The following SLC6A17 variants were observed in gnomAD, a reference collection of about 807,000 sequenced individuals.
SLC6A17 encodes the protein sodium-dependent neutral amino acid transporter SLC6A17.
Under a neutral mutation model 64.5 loss-of-function variants are expected in SLC6A17, and 21 were observed. That is an observed-to-expected ratio of 0.33 (90% CI 0.23 to 0.47). SLC6A17 has a LOEUF of 0.47. Ranked by LOEUF, SLC6A17 falls within the 20% of genes least tolerant of loss-of-function variation. SLC6A17 has a pLI of 1.00. For synonymous variants in SLC6A17, 372 were observed against 399.5 expected, an observed-to-expected ratio of 0.93 and a Z score of 0.82; for missense variants, 682 against 963.2, an observed-to-expected ratio of 0.71 and a Z score of 3.86.
chr1:110,158,353 A>G (rs1006626153), intron 1 of SLC6A17, among the ~76,000 whole-genome samples: 1 of 152,220 alleles, frequency 6.6e-6, no homozygotes, highest in African/African-American at 2.4e-5. Flanking sequence ...AAGTCGGAGA[A>G]CTGAGCCCCA....
intron 6 of SLC6A17, 104 bp downstream of exon 6, chr1:110,176,843 T>TGG (rs1656389887): frequency 4.3e-5 from 43 of 996,106 alleles, no homozygotes; most frequent in Non-Finnish European, 6.5e-5. Flanking sequence ...GAACACCTGC[T>TGG]ATGTGTTGGG....
intron 5 of SLC6A17, 74 bp downstream of exon 5, chr1:110,175,034 T>C: frequency 6.6e-7 from 1 of 1,525,808 alleles, no homozygotes; most frequent in South Asian, 1.3e-5. Flanking sequence ...GGGCTAAGAA[T>C]TCCAGGCTGC....
intron 6 of SLC6A17, among the ~76,000 whole-genome samples, chr1:110,177,053 G>T (rs1485249835): frequency 1.3e-5 from 2 of 152,214 alleles, no homozygotes; most frequent in Non-Finnish European, 2.9e-5. Context: ...GGAACTGCAT[G>T]AGCAAGGGTG....
At chr1:110,188,231 A>G (rs955504054) in intron 6 of SLC6A17, among the ~76,000 whole-genome samples, 2 of 152,258 alleles carry the variant, frequency 1.3e-5, no homozygotes, top group African/African-American at 4.8e-5. Flanking sequence ...TTCCAAAACC[A>G]GTCAGCCCCC....
chr1:110,166,828 C>T lies in SLC6A17; in HGVS notation c.-87-15C>T. 1 of 1,428,604 alleles carries T rather than the reference C, an allele frequency of 7.0e-7. No homozygotes were observed. Among genetic ancestry groups the T allele is most frequent in the South Asian group, 1.5e-5 (1 of 68,090 alleles). The allele number at this position is 1,428,604 out of a possible 1,614,324, so 88.5% of individuals were successfully genotyped here. A position where few individuals can be genotyped will look rare whatever the true frequency, so the allele number is the denominator to read the frequency against. ...TGTGGTCAGATAATCCTTTACTGCT[C>T]ACCTGGTTTCCTAGGTCCCTGAATG... On this transcript the variant is annotated splice_polypyrimidine_tract_variant and intron_variant, in intron 1 of 11. Coordinates refer to ENST00000331565, the MANE Select transcript of SLC6A17 (RefSeq NM_001010898.4).
intron 1 of SLC6A17, among the ~76,000 whole-genome samples, chr1:110,154,811 G>A (rs1349884241): frequency 6.6e-6 from 1 of 152,144 alleles, no homozygotes; most frequent in African/African-American, 2.4e-5. Context: ...TGTATGCCAG[G>A]GATTTGTAGC....
chr1:110,171,387 G>A (rs1261177966), intron 2 of SLC6A17, among the ~76,000 whole-genome samples: 1 of 152,184 alleles, frequency 6.6e-6, no homozygotes, highest in Non-Finnish European at 1.5e-5. Flanking sequence ...CCAGGACAGC[G>A]AGATTAATTT....
intron 1 of SLC6A17, among the ~76,000 whole-genome samples, chr1:110,157,952 ACC>A (rs1655803437): frequency 6.6e-6 from 1 of 151,838 alleles, no homozygotes; most frequent in African/African-American, 2.4e-5. Flanking sequence ...ATACGTCCTT[ACC>A]CCCATCTCTG....
chr1:110,181,024 T>C (rs1656509065), intron 6 of SLC6A17, among the ~76,000 whole-genome samples: 1 of 152,292 alleles, frequency 6.6e-6, no homozygotes, highest in East Asian at 1.9e-4. Flanking sequence ...ATGAATGCGA[T>C]GTGGCCAAGC....
intron 2 of SLC6A17, among the ~76,000 whole-genome samples, chr1:110,169,103 C>T (rs1459821544): frequency 1.3e-5 from 2 of 152,144 alleles, no homozygotes; most frequent in East Asian, 3.8e-4. Flanking sequence ...CAAATTATCA[C>T]AGGAAGGAGA....
At chr1:110,191,583 G>A (rs1251517488) in intron 6 of SLC6A17, among the ~76,000 whole-genome samples, 1 of 152,194 alleles carries the variant, frequency 6.6e-6, no homozygotes, top group African/African-American at 2.4e-5. Flanking sequence ...AGGACTCTAG[G>A]AGGCACCTGT....
chr1:110,151,626 C>T (rs985153218), intron 1 of SLC6A17, among the ~76,000 whole-genome samples: 2 of 152,148 alleles, frequency 1.3e-5, no homozygotes, highest in Admixed American at 6.5e-5. Flanking sequence ...ATGGGTGGGC[C>T]GCTCCCCAGG....
intron 6 of SLC6A17, among the ~76,000 whole-genome samples, chr1:110,178,941 A>AT (rs1180678548): frequency 1.3e-5 from 2 of 152,226 alleles, no homozygotes; most frequent in Non-Finnish European, 2.9e-5. Context: ...TTGATCATAC[A>AT]TTCTTTGAAA....
Position 110,199,063 on chromosome 1 carries a change from T to C in SLC6A17, c.*619T>C, listed in dbSNP as rs1178214736. 1 of 152,610 alleles carries C rather than the reference T, an allele frequency of 6.6e-6. No individual in the cohort carries two copies. The highest frequency in any genetic ancestry group is 1.5e-5 in the Non-Finnish European group (1 of 68,356). The allele number at this position is 152,610 out of a possible 1,614,324, so 9.5% of individuals were successfully genotyped here. On this transcript the variant is annotated 3_prime_UTR_variant, in exon 12 of 12. Coordinates refer to ENST00000331565, the MANE Select transcript of SLC6A17 (RefSeq NM_001010898.4). ...TGTTTTCTGAGGTATGTGCTGCCCT[T>C]GGCTTCAGCATGAGCCTTGGTAGCA... is the stretch of plus-strand genomic sequence containing the variant.
intron 6 of SLC6A17, among the ~76,000 whole-genome samples, chr1:110,180,752 C>T (rs1656500464): frequency 6.6e-6 from 1 of 152,138 alleles, no homozygotes; most frequent in African/African-American, 2.4e-5. Flanking sequence ...GCTGCCCGTG[C>T]TGTGCACTGC....
intron 1 of SLC6A17, among the ~76,000 whole-genome samples, chr1:110,151,239 C>G (rs1358975689): frequency 6.6e-6 from 1 of 152,218 alleles, no homozygotes; most frequent in African/African-American, 2.4e-5. Flanking sequence ...GCCTGTCCGG[C>G]CCATCCGCGG....
intron 11 of SLC6A17, among the ~76,000 whole-genome samples, 193 bp downstream of exon 11, chr1:110,197,792 C>A (rs1657011322): frequency 6.6e-6 from 1 of 152,256 alleles, no homozygotes. Flanking sequence ...AACGGGGACA[C>A]CGAGGCTCAG....
rs201950138 is a variant in SLC6A17 at position 110,197,661 on chromosome 1, A to G, written c.1815+62A>G. The G allele has an allele frequency of 1.1e-4, 166 of 1,496,166 alleles. No homozygotes were observed. In the East Asian group the frequency reaches 3.8e-3, roughly 34 times the overall value. The allele number at this position is 1,496,166 out of a possible 1,614,324, so 92.7% of individuals were successfully genotyped here. On this transcript the variant is annotated intron_variant, in intron 11 of 11. Coordinates refer to ENST00000331565, the MANE Select transcript of SLC6A17 (RefSeq NM_001010898.4). Reference sequence around the variant, plus strand: ...ATCTTCTCAGGCCTTGAATGCAACCACTGATAGGGATACACCTTTCTAGGG... The same window carrying G: ...ATCTTCTCAGGCCTTGAATGCAACCGCTGATAGGGATACACCTTTCTAGGG...
chr1:110,171,569 C>T (rs1245198380), intron 2 of SLC6A17, among the ~76,000 whole-genome samples: 1 of 152,160 alleles, frequency 6.6e-6, no homozygotes, highest in African/African-American at 2.4e-5. Context: ...CCTGGAGCTG[C>T]CCAGTCTGCT....
Sources: allele counts gnomAD v4.1 joint callset (sites outside exome capture counted in the v4.1 genomes callset), GRCh38; gene constraint gnomAD v4.1.1; transcripts MANE v1.5; gene names NCBI Gene and HGNC (gene_info 2026-07-23, HGNC 2026-07-21).